The following ZBTB7C variants were observed in gnomAD, a reference collection of about 807,000 sequenced individuals.
The protein encoded by ZBTB7C is zinc finger and BTB domain containing 7C.
ZBTB7C carries 8 observed loss-of-function variants against 25.7 expected under a neutral mutation model. The ratio of observed to expected loss-of-function variants is 0.31; its 90% confidence interval spans 0.18 to 0.56. The LOEUF (loss-of-function observed/expected upper bound fraction) is 0.56, where lower values mean the gene tolerates loss of function less well. Ranked by LOEUF, ZBTB7C falls within the 20% of genes least tolerant of loss-of-function variation. The pLI is 0.91. For missense variants in ZBTB7C, 824 were observed against 855.2 expected (o/e 0.96, Z 0.46); for synonymous variants, 394 against 369.0 (o/e 1.07, Z -0.78).
chr18:48,128,678 G>A (rs2039886343), intron 3 of ZBTB7C, among the ~76,000 whole-genome samples: 1 of 152,036 alleles, frequency 6.6e-6, no homozygotes, highest in African/African-American at 2.4e-5. Context: ...CATACAGAGT[G>A]GTATAATGGA....
At chr18:48,046,796 G>A (rs2036486467) in intron 3 of ZBTB7C, among the ~76,000 whole-genome samples, 1 of 152,148 alleles carries the variant, frequency 6.6e-6, no homozygotes, top group South Asian at 2.1e-4. Context: ...TGTGACTTTG[G>A]GAGGCCCTTC....
intron 2 of ZBTB7C, among the ~76,000 whole-genome samples, chr18:48,324,088 TG>T (rs1004523580): frequency 1.3e-5 from 2 of 152,216 alleles, no homozygotes; most frequent in African/African-American, 4.8e-5. Flanking sequence ...ACACCAAATC[TG>T]CTGGCACCTT....
At chr18:48,274,700 T>C (rs1054590951) in intron 2 of ZBTB7C, among the ~76,000 whole-genome samples, 1 of 152,226 alleles carries the variant, frequency 6.6e-6, no homozygotes, top group African/African-American at 2.4e-5. Context: ...GGCTGTAAAA[T>C]ACATCTCAGT....
chr18:48,392,615 C>T (rs536908247), intron 1 of ZBTB7C, among the ~76,000 whole-genome samples: 10 of 152,324 alleles, frequency 6.6e-5, no homozygotes, highest in African/African-American at 9.6e-5. Flanking sequence ...TTTCAGAACT[C>T]TTCTAGCAGT....
intron 2 of ZBTB7C, among the ~76,000 whole-genome samples, chr18:48,313,598 A>T (rs1309674123): frequency 2.6e-5 from 4 of 152,186 alleles, no homozygotes; most frequent in Admixed American, 6.5e-5. Flanking sequence ...AGCTTGCTAG[A>T]AATGTAGAGT....
chr18:48,308,537 C>G (rs1010417884), intron 2 of ZBTB7C, among the ~76,000 whole-genome samples: 4 of 152,262 alleles, frequency 2.6e-5, no homozygotes, highest in African/African-American at 7.2e-5. Flanking sequence ...GTCCTCTCAG[C>G]CAGAGTTTCC....
At chr18:48,044,054 C>A (rs945762199) in intron 3 of ZBTB7C, among the ~76,000 whole-genome samples, 1 of 152,192 alleles carries the variant, frequency 6.6e-6, no homozygotes, top group Non-Finnish European at 1.5e-5. Context: ...GGAACAGTGG[C>A]ACAAAGTAGG....
chr18:48,342,875 A>G (rs1385058324), intron 1 of ZBTB7C, among the ~76,000 whole-genome samples: 1 of 152,166 alleles, frequency 6.6e-6, no homozygotes, highest in African/African-American at 2.4e-5. Flanking sequence ...TGGATTTTTA[A>G]CAACAAGCAG....
intron 1 of ZBTB7C, among the ~76,000 whole-genome samples, chr18:48,339,789 G>T (rs954314563): frequency 2.0e-5 from 3 of 152,170 alleles, no homozygotes; most frequent in Admixed American, 1.3e-4. Context: ...AGAAAGCACA[G>T]AGATAACAGA....
At chr18:48,107,532 C>T (rs1368267580) in intron 3 of ZBTB7C, among the ~76,000 whole-genome samples, 1 of 152,028 alleles carries the variant, frequency 6.6e-6, no homozygotes, top group Non-Finnish European at 1.5e-5. Flanking sequence ...CCGACATCTC[C>T]AGGCAGCCTG....
At chr18:48,361,851 G>A (rs1225717651) in intron 1 of ZBTB7C, among the ~76,000 whole-genome samples, 1 of 152,236 alleles carries the variant, frequency 6.6e-6, no homozygotes, top group Non-Finnish European at 1.5e-5. Flanking sequence ...CCAGGGAGAG[G>A]AAGGAACAGA....
At chr18:48,175,613 C>A (rs577717111) in intron 3 of ZBTB7C, among the ~76,000 whole-genome samples, 1 of 152,118 alleles carries the variant, frequency 6.6e-6, no homozygotes, top group Non-Finnish European at 1.5e-5. Context: ...TACCCAGCAA[C>A]GAGCAAACCC....
Position 48,363,205 on chromosome 18 carries a change from G to A in ZBTB7C, c.-303-24807C>T, listed in dbSNP as rs73435276. 5.5e-3 allele frequency among the ~76,000 whole-genome samples: 834 copies of A among 151,494 alleles called. 8 individuals are homozygous for A. Among genetic ancestry groups the A allele is most frequent in the African/African-American group, 0.019 (798 of 41,380 alleles). On this transcript the variant is annotated intron_variant, in intron 1 of 4. Transcript: ENST00000590800. ...TGAGGTTTTTGTGTTCTTGCTGCTC[G>A]GGAGGGAGGGACCCTCCTGCCTAGA...
At chr18:48,341,332 G>A (rs529639037) in intron 1 of ZBTB7C, among the ~76,000 whole-genome samples, 12 of 152,312 alleles carry the variant, frequency 7.9e-5, no homozygotes, top group East Asian at 5.8e-4. Flanking sequence ...GCCCTGGCTC[G>A]GTCTCAGGCT....
At chr18:48,307,587 C>A (rs1055577466) in intron 2 of ZBTB7C, among the ~76,000 whole-genome samples, 2 of 152,200 alleles carry the variant, frequency 1.3e-5, no homozygotes, top group African/African-American at 4.8e-5. Context: ...CGGTGGCTCA[C>A]CCCTGTAATT....
At chr18:48,348,375 A>G (rs2046787731) in intron 1 of ZBTB7C, among the ~76,000 whole-genome samples, 1 of 152,234 alleles carries the variant, frequency 6.6e-6, no homozygotes, top group African/African-American at 2.4e-5. Context: ...ATAAAGGCAG[A>G]GCCTGGATAC....
chr18:48,363,947 C>T (rs969934380), intron 1 of ZBTB7C, among the ~76,000 whole-genome samples: 4 of 152,098 alleles, frequency 2.6e-5, no homozygotes, highest in Admixed American at 6.6e-5. Flanking sequence ...GGTACCCTCC[C>T]ATACCCACTC....
chr18:48,340,161 T>G (rs999826597), intron 1 of ZBTB7C, among the ~76,000 whole-genome samples: 1 of 152,220 alleles, frequency 6.6e-6, no homozygotes, highest in Non-Finnish European at 1.5e-5. Context: ...CTCTGCTTGA[T>G]TCCAAAGCAG....
At chr18:48,259,944 T>C (rs11663389) in intron 2 of ZBTB7C, among the ~76,000 whole-genome samples, 25,758 of 152,162 alleles carry the variant, frequency 0.17, 2,399 homozygotes, top group South Asian at 0.24. Flanking sequence ...TTTTGGTAAG[T>C]AGTTTGGCAG....
Sources: gnomAD v4.1 joint callset for allele counts (sites outside exome capture counted in the v4.1 genomes callset) on GRCh38, gnomAD v4.1.1 for gene constraint, MANE v1.5 for transcripts, NCBI Gene and HGNC (gene_info 2026-07-23, HGNC 2026-07-21) for gene names.